ANK1: variants seen among roughly 807,000 people sequenced by gnomAD.
The protein encoded by ANK1 is ankyrin-1.
In ANK1, 51 loss-of-function variants were observed where a neutral mutation model predicts 210.4. That is an observed-to-expected ratio of 0.24 (90% CI 0.19 to 0.31). The LOEUF is 0.31. Among genes scored for constraint, ANK1 ranks in the 10% least tolerant of loss-of-function variants. ANK1 has a pLI of 1.00. For missense variants in ANK1, 2,051 were observed against 2,504.4 expected (o/e 0.82, Z 3.86); for synonymous variants, 967 against 1,025.9 (o/e 0.94, Z 1.10).
At chr8:41,720,695 C>T (rs1029057777) in intron 9 of ANK1, among the ~76,000 whole-genome samples, 2 of 152,032 alleles carry the variant, frequency 1.3e-5, no homozygotes, top group Admixed American at 6.6e-5. Context: ...AAACAGATGG[C>T]GTCCCTGATG....
chr8:41,895,920 C>T (rs1820417230), intron 1 of ANK1, among the ~76,000 whole-genome samples: 1 of 152,276 alleles, frequency 6.6e-6, no homozygotes, highest in Admixed American at 6.5e-5. Context: ...CGGCCCGCTC[C>T]CCGGAGCCTG....
chr8:41,816,759 G>A (rs915208187), intron 1 of ANK1, among the ~76,000 whole-genome samples: 1 of 152,072 alleles, frequency 6.6e-6, no homozygotes, highest in Non-Finnish European at 1.5e-5. Flanking sequence ...AAATTTTATC[G>A]GTTACATGAA....
intron 17 of ANK1, 85 bp downstream of exon 17, chr8:41,708,693 C>A (rs1454060336): frequency 6.3e-5 from 93 of 1,486,650 alleles, no homozygotes; most frequent in Non-Finnish European, 8.4e-5. Context: ...TAACTCAGAA[C>A]CTGGGCACAC....
intron 40 of ANK1, among the ~76,000 whole-genome samples, chr8:41,662,657 T>G (rs1357339522): frequency 6.6e-6 from 1 of 152,208 alleles, no homozygotes; most frequent in Non-Finnish European, 1.5e-5. Context: ...GTATCTGCCG[T>G]GTGCTCTGAG....
At chr8:41,725,715 C>T (rs1285387706) in intron 6 of ANK1, 46 bp downstream of exon 6, 1 of 1,583,156 alleles carries the variant, frequency 6.3e-7, no homozygotes, top group African/African-American at 1.3e-5. Flanking sequence ...CCCCTGAGCC[C>T]ACGGGCGTCC....
intron 16 of ANK1, among the ~76,000 whole-genome samples, chr8:41,710,738 G>T (rs768337968): frequency 6.6e-6 from 1 of 152,220 alleles, no homozygotes; most frequent in Non-Finnish European, 1.5e-5. Context: ...TCTGGCTGAG[G>T]ACTGAGTTCT....
chr8:41,846,410 C>T (rs1462175726), intron 1 of ANK1, among the ~76,000 whole-genome samples: 1 of 152,218 alleles, frequency 6.6e-6, no homozygotes. Context: ...CCTGGAGCTA[C>T]GATGGCAGAG....
Position 41,672,626 on chromosome 8 carries a change from C to T in ANK1, c.4824G>A (p.Glu1608=), listed in dbSNP as rs757819395. The change falls in exon 38 of 43, where the codon GAG becomes GAA. Residue 1608 remains glutamate (E), a synonymous_variant. Coordinates refer to ENST00000289734, the MANE Select transcript of ANK1 (RefSeq NM_000037.4). ...HEWKLEGALS[E]EPRGPELGSL... is the part of the protein sequence containing the mutation. ...AGCCCAACTCGGGGCCCCGCGGTTCCTCTGAGAGTGCCCCCTCCAACTTCC... is the reference window on the plus strand; with the variant it reads ...AGCCCAACTCGGGGCCCCGCGGTTCTTCTGAGAGTGCCCCCTCCAACTTCC... The T allele has an allele frequency of 2.5e-6, 4 of 1,614,242 alleles. No individual in the cohort carries two copies. Among genetic ancestry groups the T allele is most frequent in the Non-Finnish European group, 3.4e-6 (4 of 1,180,038 alleles).
At chr8:41,719,901 G>A in intron 9 of ANK1, 43 bp from the exon 10 acceptor site, 2 of 1,603,668 alleles carry the variant, frequency 1.2e-6, no homozygotes, top group Non-Finnish European at 1.7e-6. Flanking sequence ...AGTCTTCTGG[G>A]GACCGAGCAT....
chr8:41,689,208 C>A (rs926364983), intron 33 of ANK1, among the ~76,000 whole-genome samples: 3 of 152,104 alleles, frequency 2.0e-5, no homozygotes, highest in Admixed American at 1.3e-4. Context: ...ACTGCAGCCT[C>A]AAACTCCCGG....
At position 41,672,712 on chromosome 8, in the gene ANK1, C is replaced by T. The variant is rs558570111; in HGVS notation, c.4738G>A (p.Ala1580Thr). 1 of 1,611,054 alleles carries T rather than the reference C, an allele frequency of 6.2e-7. No homozygotes were observed. Among genetic ancestry groups the T allele is most frequent in the Admixed American group, 1.7e-5 (1 of 59,932 alleles). The change falls in exon 38 of 43, where the codon GCT (alanine) becomes ACT (threonine). Residue 1580 changes from alanine to threonine, a missense_variant. Around this residue, in one of 6 missense-constraint regions of ANK1, gnomAD observed 496 missense variants for 533.4 expected, o/e 0.93. Transcript: ENST00000289734. ...SAGLTPSLVTAEDSSLECSKA... is the reference protein window; with the variant it reads ...SAGLTPSLVTTEDSSLECSKA... ...CTACACTCCAGAGAGGAGTCCTCAGCAGTGACCAGAGAAGGCGTGAGGCCC... is the reference window on the plus strand; with the variant it reads ...CTACACTCCAGAGAGGAGTCCTCAGTAGTGACCAGAGAAGGCGTGAGGCCC...
At chr8:41,807,144 G>A (rs1039611914) in intron 1 of ANK1, among the ~76,000 whole-genome samples, 1 of 152,034 alleles carries the variant, frequency 6.6e-6, no homozygotes, top group African/African-American at 2.4e-5. Context: ...CATACTACTA[G>A]GTATGCAATG....
intron 42 of ANK1, among the ~76,000 whole-genome samples, chr8:41,659,683 T>A (rs1339623948): frequency 6.6e-6 from 1 of 151,782 alleles, no homozygotes; most frequent in African/African-American, 2.4e-5. Context: ...CCCTCACCAC[T>A]GCTCTCGCCC....
Position 41,859,001 on chromosome 8 carries a change from G to A in ANK1, c.126+37354C>T, listed in dbSNP as rs542581603. ...CAGAGGGGCGGCGCCCAGCCTCCCA[G>A]GACTATTAGTTGCTGACCCCACCAG... On this transcript the variant is annotated intron_variant, in intron 1 of 42. Coordinates refer to the ANK1 transcript ENST00000265709. Among the ~76,000 whole-genome samples the A allele has an allele frequency of 2.0e-5, 3 of 152,364 alleles. 1 individual carries two copies. In the South Asian group the frequency reaches 6.2e-4, roughly 32 times the overall value.
At chr8:41,883,038 T>A (rs1332070159) in intron 1 of ANK1, among the ~76,000 whole-genome samples, 1 of 152,216 alleles carries the variant, frequency 6.6e-6, no homozygotes, top group African/African-American at 2.4e-5. Context: ...CAGAGGTTTA[T>A]AGAGTCACAG....
intron 1 of ANK1, among the ~76,000 whole-genome samples, chr8:41,872,672 A>G (rs1237493988): frequency 6.6e-6 from 1 of 152,202 alleles, no homozygotes; most frequent in Admixed American, 6.5e-5. Context: ...TGCTCACCTT[A>G]CAATTCTCAG....
chr8:41,879,159 A>T (rs1415013511), intron 1 of ANK1, among the ~76,000 whole-genome samples: 3 of 152,202 alleles, frequency 2.0e-5, no homozygotes, highest in Non-Finnish European at 4.4e-5. Flanking sequence ...GAAATCAGAC[A>T]TGTGTTCCTG....
intron 1 of ANK1, among the ~76,000 whole-genome samples, chr8:41,841,625 T>C (rs1055172806): frequency 6.6e-6 from 1 of 152,096 alleles, no homozygotes; most frequent in Non-Finnish European, 1.5e-5. Flanking sequence ...ATTACCATGA[T>C]GATAATGATG....
At chr8:41,676,942 T>C (rs1814354490) in intron 37 of ANK1, among the ~76,000 whole-genome samples, 3 of 152,206 alleles carry the variant, frequency 2.0e-5, no homozygotes, top group Admixed American at 2.0e-4. Flanking sequence ...TCCTTAAATG[T>C]TTGGTAGAAT....
Sources: gnomAD v4.1 joint callset for allele counts (sites outside exome capture counted in the v4.1 genomes callset) on GRCh38, gnomAD v4.1.1 for gene constraint, gnomAD v4.1.1 regional missense constraint, MANE v1.5 for transcripts, NCBI Gene and HGNC (gene_info 2026-07-23, HGNC 2026-07-21) for gene names.